CSMD1: variants seen among roughly 807,000 people sequenced by gnomAD.
CSMD1 encodes the protein CUB and Sushi multiple domains 1.
Under a neutral mutation model 417.5 loss-of-function variants are expected in CSMD1, and 213 were observed. The ratio of observed to expected loss-of-function variants is 0.51; its 90% CI spans 0.46 to 0.57. CSMD1 has a LOEUF of 0.57. Among genes scored for constraint, CSMD1 ranks in the 20% least tolerant of loss-of-function variants. The pLI is 0.00. For missense variants in CSMD1, 6,923 were observed against 4,529.7 expected, an observed-to-expected ratio of 1.53 and a Z score of -15.17; for synonymous variants, 2,862 against 1,736.8, an observed-to-expected ratio of 1.65 and a Z score of -16.11.
chr8:3,335,226 A>G (rs1807178902), intron 23 of CSMD1, among the ~76,000 whole-genome samples: 1 of 152,110 alleles, frequency 6.6e-6, no homozygotes, highest in Non-Finnish European at 1.5e-5. Context: ...CCTTTTGCCC[A>G]TACCCTCTGC....
chr8:4,353,864 G>C (rs1489183418), intron 3 of CSMD1, among the ~76,000 whole-genome samples: 1 of 152,066 alleles, frequency 6.6e-6, no homozygotes, highest in Non-Finnish European at 1.5e-5. Flanking sequence ...GGCTCATCTG[G>C]TTTACAGCAA....
intron 1 of CSMD1, among the ~76,000 whole-genome samples, chr8:4,965,872 G>A (rs1809823550): frequency 6.6e-6 from 1 of 151,996 alleles, no homozygotes; most frequent in Non-Finnish European, 1.5e-5. Context: ...AAATAAAGAA[G>A]ATATATATTT....
chr8:3,615,503 T>C (rs1192895071), intron 8 of CSMD1, among the ~76,000 whole-genome samples: 2 of 152,214 alleles, frequency 1.3e-5, no homozygotes, highest in Middle Eastern at 6.3e-3. Context: ...TCAAGATGTG[T>C]AATAGTTAAC....
At chr8:4,429,932 C>T (rs1002276213) in intron 2 of CSMD1, among the ~76,000 whole-genome samples, 1 of 152,070 alleles carries the variant, frequency 6.6e-6, no homozygotes, top group African/African-American at 2.4e-5. Flanking sequence ...GGTCACCCAT[C>T]AGGGAATGAA....
At chr8:3,714,561 C>CATAAAAAAAAAAAAAA (rs1801717986) in intron 6 of CSMD1, among the ~76,000 whole-genome samples, 1 of 70,554 alleles carries the variant, frequency 1.4e-5, no homozygotes, top group Non-Finnish European at 2.5e-5. Context: ...ATCTCTATCC[C>CATAAAAAAAAAAAAAA]AAAAAAAAAA....
chr8:3,168,975 G>C (rs1305313657), intron 37 of CSMD1, among the ~76,000 whole-genome samples: 3 of 152,128 alleles, frequency 2.0e-5, no homozygotes, highest in Admixed American at 6.5e-5. Context: ...TACTGGTGCA[G>C]AGAAACTCTG....
chr8:4,167,657 C>A (rs1005455708), intron 3 of CSMD1, among the ~76,000 whole-genome samples: 2 of 152,094 alleles, frequency 1.3e-5, no homozygotes, highest in Non-Finnish European at 2.9e-5. Flanking sequence ...TACAGATTGG[C>A]CACATAAAAA....
chr8:3,562,177 G>C (rs926774499), intron 10 of CSMD1, among the ~76,000 whole-genome samples: 1 of 152,152 alleles, frequency 6.6e-6, no homozygotes, highest in Admixed American at 6.5e-5. Flanking sequence ...GTAGTAGGTG[G>C]GGAAAGATGG....
intron 30 of CSMD1, among the ~76,000 whole-genome samples, chr8:3,206,869 C>G (rs1258414678): frequency 3.9e-5 from 6 of 152,042 alleles, no homozygotes; most frequent in Non-Finnish European, 8.8e-5. Context: ...ATTTGATATC[C>G]AGTCTTTAGA....
chr8:4,828,870 T>C (rs1014621239), intron 1 of CSMD1, among the ~76,000 whole-genome samples: 2 of 152,134 alleles, frequency 1.3e-5, no homozygotes, highest in African/African-American at 4.8e-5. Context: ...ATCAGAATAA[T>C]CATGATATGC....
chr8:3,244,089 A>G (rs924429716), intron 26 of CSMD1, among the ~76,000 whole-genome samples: 2 of 152,240 alleles, frequency 1.3e-5, no homozygotes, highest in African/African-American at 2.4e-5. Context: ...AGTCGCATCT[A>G]GTACACAGAT....
chr8:3,545,265 A>G (rs1446173000), intron 10 of CSMD1, among the ~76,000 whole-genome samples: 3 of 152,212 alleles, frequency 2.0e-5, no homozygotes, highest in African/African-American at 7.2e-5. Context: ...TCTGATTTAA[A>G]GAAGGACATG....
At chr8:3,391,196 G>T (rs116705969) in intron 17 of CSMD1, among the ~76,000 whole-genome samples, 370 of 152,188 alleles carry the variant, frequency 2.4e-3, no homozygotes, top group African/African-American at 8.5e-3. Flanking sequence ...TGGTGTGCAC[G>T]CACATATAAA....
chr8:3,935,266 G>A (rs990103643), intron 5 of CSMD1, among the ~76,000 whole-genome samples: 2 of 152,088 alleles, frequency 1.3e-5, no homozygotes, highest in African/African-American at 2.4e-5. Flanking sequence ...TTATATGAAA[G>A]AATTTTCATA....
At chr8:3,828,569 T>C (rs1358083074) in intron 5 of CSMD1, among the ~76,000 whole-genome samples, 3 of 152,204 alleles carry the variant, frequency 2.0e-5, no homozygotes, top group Admixed American at 2.0e-4. Context: ...ACTTGTCGTA[T>C]TGACTCTCTC....
intron 51 of CSMD1, among the ~76,000 whole-genome samples, chr8:3,027,478 C>A (rs1810018140): frequency 1.3e-5 from 2 of 152,164 alleles, no homozygotes; most frequent in African/African-American, 4.8e-5. Flanking sequence ...AGTGTCACAA[C>A]CTGAGCTACA....
rs961715612 is a variant in CSMD1, at chr8:3,926,547, T to C, written c.818+71356A>G. Among the ~76,000 whole-genome samples the C allele has an allele frequency of 3.9e-5, 6 of 151,948 alleles. 1 individual carries two copies. The highest frequency in any genetic ancestry group is 8.8e-5 in the Non-Finnish European group (6 of 67,972). On this transcript the variant is annotated intron_variant, in intron 5 of 69. Coordinates refer to ENST00000635120, the MANE Select transcript of CSMD1 (RefSeq NM_033225.6). ...TACAAAAAGCAAATAATTGTTTCTT[T>C]TTTGATTTAATTTTTGATGATTATT...
intron 3 of CSMD1, among the ~76,000 whole-genome samples, chr8:4,258,119 A>G (rs1374125421): frequency 6.6e-6 from 1 of 150,816 alleles, no homozygotes; most frequent in Non-Finnish European, 1.5e-5. Context: ...ATTTTTTTCT[A>G]TTTTTAGTAG....
At chr8:3,470,478 G>T (rs1817022941) in intron 11 of CSMD1, among the ~76,000 whole-genome samples, 1 of 152,134 alleles carries the variant, frequency 6.6e-6, no homozygotes, top group South Asian at 2.1e-4. Flanking sequence ...TCAGGACATT[G>T]ACATGGATAC....
Sources: gnomAD v4.1 joint callset for allele counts (sites outside exome capture counted in the v4.1 genomes callset) on GRCh38, gnomAD v4.1.1 for gene constraint, MANE v1.5 for transcripts, NCBI Gene and HGNC (gene_info 2026-07-23, HGNC 2026-07-21) for gene names.